WDFY1: variants seen among roughly 807,000 people sequenced by gnomAD.
The protein encoded by WDFY1 is WD repeat and FYVE domain-containing protein 1.
In WDFY1, 32 loss-of-function variants were observed where a neutral mutation model predicts 56.4. That is an observed-to-expected ratio of 0.57 (90% CI 0.43 to 0.76). The LOEUF (loss-of-function observed/expected upper bound fraction) is 0.76. WDFY1 is among the 30% of genes least tolerant of loss of function. The pLI, the probability that WDFY1 is intolerant of heterozygous loss-of-function variation, is 0.00. For synonymous variants in WDFY1, 192 were observed against 197.3 expected (o/e 0.97, Z 0.23); for missense variants, 480 against 545.7 (o/e 0.88, Z 1.20).
At chr2:223,916,786 T>C (rs1221612387) in intron 2 of WDFY1, among the ~76,000 whole-genome samples, 2 of 151,664 alleles carry the variant, frequency 1.3e-5, no homozygotes, top group African/African-American at 4.8e-5. Context: ...AGTTTATGTG[T>C]CATCTTATGT....
intron 4 of WDFY1, among the ~76,000 whole-genome samples, chr2:223,901,623 A>T (rs567471717): frequency 6.8e-6 from 1 of 147,402 alleles, no homozygotes; most frequent in Non-Finnish European, 1.5e-5. Context: ...TAGATTAGAG[A>T]ACAGATTTTT....
intron 3 of WDFY1, among the ~76,000 whole-genome samples, chr2:223,909,403 GC>G (rs1453340076): frequency 1.3e-5 from 2 of 152,064 alleles, no homozygotes; most frequent in Admixed American, 1.3e-4. Context: ...TATTTAGGCA[GC>G]AGGTCTGGGC....
chr2:223,898,836 C>A, intron 6 of WDFY1, 122 bp downstream of exon 6: 2 of 729,602 alleles, frequency 2.7e-6, no homozygotes, highest in Non-Finnish European at 4.7e-6. Context: ...CCATATCTGG[C>A]CAATCAAAAT....
chr2:223,909,233 T>C (rs980633614), intron 3 of WDFY1, among the ~76,000 whole-genome samples: 1 of 152,174 alleles, frequency 6.6e-6, no homozygotes, highest in African/African-American at 2.4e-5. Context: ...GGGGAATCTG[T>C]ATTTTAGTAA....
chr2:223,905,903 T>G, intron 4 of WDFY1, 44 bp downstream of exon 4: 1 of 1,323,422 alleles, frequency 7.6e-7, no homozygotes, highest in Non-Finnish European at 1.0e-6. Context: ...GTTTTGTGTA[T>G]GTCTACATGT....
chr2:223,936,928 G>A (rs1694176150), intron 1 of WDFY1, among the ~76,000 whole-genome samples: 1 of 152,210 alleles, frequency 6.6e-6, no homozygotes, highest in Non-Finnish European at 1.5e-5. Flanking sequence ...ACAGGAAGAG[G>A]ACTCTTGGAA....
chr2:223,932,970 T>G (rs757975467), intron 1 of WDFY1, among the ~76,000 whole-genome samples: 2 of 151,672 alleles, frequency 1.3e-5, no homozygotes, highest in African/African-American at 2.4e-5. Flanking sequence ...TGCCATCTGT[T>G]TTTATCGAAT....
intron 3 of WDFY1, among the ~76,000 whole-genome samples, chr2:223,909,689 C>T (rs915767227): frequency 6.6e-6 from 1 of 152,068 alleles, no homozygotes; most frequent in Non-Finnish European, 1.5e-5. Flanking sequence ...ACCTGGCTGT[C>T]ATCTGACTTC....
At position 223,917,934 on chromosome 2, in the gene WDFY1, G is replaced by T; in HGVS notation, c.205+9C>A. 1.2e-6 allele frequency: 2 copies of T among 1,613,860 alleles called. No homozygotes were observed. Among genetic ancestry groups the T allele is most frequent in the Non-Finnish European group, 1.7e-6 (2 of 1,179,882 alleles). ...CATTTCTCTCAAATGGAACAGTTCA[G>T]CTACTTACAGGCCATTGTGTGGTAA... On this transcript the variant is annotated intron_variant, in intron 2 of 11. Coordinates refer to ENST00000233055, the MANE Select transcript of WDFY1 (RefSeq NM_020830.5).
chr2:223,904,551 ATGC>A (rs1693566155), intron 4 of WDFY1, among the ~76,000 whole-genome samples: 1 of 151,946 alleles, frequency 6.6e-6, no homozygotes, highest in Non-Finnish European at 1.5e-5. Context: ...CCGTGCCTGG[ATGC>A]TTTTCTCCTA....
At chr2:223,945,027 G>T in intron 1 of WDFY1, 121 bp downstream of exon 1, 1 of 1,174,068 alleles carries the variant, frequency 8.5e-7, no homozygotes, top group Non-Finnish European at 1.1e-6. Context: ...CGCAGAGTGG[G>T]GGTGGGGCCG....
At chr2:223,887,810 T>C (rs1693198033) in intron 8 of WDFY1, among the ~76,000 whole-genome samples, 1 of 152,240 alleles carries the variant, frequency 6.6e-6, no homozygotes, top group African/African-American at 2.4e-5. Flanking sequence ...ATGAAATGTC[T>C]GCATTTTCCC....
chr2:223,898,466 C>A (rs1181740882), intron 6 of WDFY1, among the ~76,000 whole-genome samples: 3 of 152,100 alleles, frequency 2.0e-5, no homozygotes, highest in African/African-American at 7.2e-5. Flanking sequence ...GTGCTGTAAT[C>A]TCGGCTCACT....
intron 6 of WDFY1, among the ~76,000 whole-genome samples, chr2:223,897,351 C>CATATAT (rs1194128689): frequency 6.1e-3 from 328 of 53,566 alleles, no homozygotes; most frequent in East Asian, 0.021. Flanking sequence ...CTAAATTTCG[C>CATATAT]ATATATATAT....
intron 1 of WDFY1, among the ~76,000 whole-genome samples, chr2:223,944,924 G>A (rs1040557139): frequency 6.6e-6 from 1 of 152,154 alleles, no homozygotes. Context: ...GGGCTGGAGG[G>A]GCGCGGCGAG....
rs71058956 is a variant in WDFY1 at position 223,896,155 on chromosome 2, CAAAAAAAA to C, written c.599-533_599-526del. Among the ~76,000 whole-genome samples the C allele has an allele frequency of 6.4e-3, 255 of 39,830 alleles. 5 individuals carry two copies. Among genetic ancestry groups the C allele is most frequent in the African/African-American group, 0.025 (237 of 9,476 alleles). The allele number at this position is 39,830 out of a possible 152,430, so 26.1% of individuals were successfully genotyped here. ...TGGGTGACAGAGTGAGACTCTGTCT[CAAAAAAAA>C]AAAAAAAAAAAAAAAAAAAACTGCT... On this transcript the variant is annotated intron_variant, in intron 6 of 11. Transcript: ENST00000233055.
intron 1 of WDFY1, among the ~76,000 whole-genome samples, chr2:223,933,346 ATTTTTT>A (rs35417214): frequency 3.4e-5 from 5 of 147,136 alleles, no homozygotes; most frequent in Admixed American, 6.8e-5. Context: ...AAACCTGCAG[ATTTTTT>A]TTTTTTTTTT....
At chr2:223,913,021 GA>G in intron 2 of WDFY1, among the ~76,000 whole-genome samples, 1 of 152,068 alleles carries the variant, frequency 6.6e-6, no homozygotes, top group Non-Finnish European at 1.5e-5. Context: ...CCAAAACAAG[GA>G]AATGCATGCT....
At chr2:223,901,070 C>T (rs1693499905) in intron 5 of WDFY1, 113 bp downstream of exon 5, 1 of 1,328,574 alleles carries the variant, frequency 7.5e-7, no homozygotes, top group African/African-American at 1.5e-5. Flanking sequence ...TTTGCACAAA[C>T]TTAAATAGGT....
Sources: allele counts gnomAD v4.1 joint callset (sites outside exome capture counted in the v4.1 genomes callset), GRCh38; gene constraint gnomAD v4.1.1; transcripts MANE v1.5; gene names NCBI Gene and HGNC (gene_info 2026-07-23, HGNC 2026-07-21).